The following WDR19 variants were observed in gnomAD, a reference collection of about 807,000 sequenced individuals.
WDR19 encodes WD repeat-containing protein 19.
WDR19 carries 121 observed loss-of-function variants against 180.0 expected under a neutral mutation model. The observed-to-expected ratio is 0.67, with a 90% CI of 0.58 to 0.78. The LOEUF is 0.78. Among genes scored for constraint, WDR19 ranks in the 30% least tolerant of loss-of-function variants. WDR19 has a pLI of 0.00. For synonymous variants in WDR19, 497 were observed against 540.7 expected (o/e 0.92, Z 1.12); for missense variants, 1,450 against 1,640.7 (o/e 0.88, Z 2.01).
chr4:39,222,501 C>G (rs778784668), intron 14 of WDR19, among the ~76,000 whole-genome samples: 70 of 152,032 alleles, frequency 4.6e-4, no homozygotes, highest in Non-Finnish European at 7.9e-4. Context: ...CCCAGCGTCA[C>G]AAAATTTTTT....
At chr4:39,242,928 A>G (rs180719492) in intron 21 of WDR19, among the ~76,000 whole-genome samples, 1 of 152,194 alleles carries the variant, frequency 6.6e-6, no homozygotes, top group Admixed American at 6.5e-5. Flanking sequence ...TCAGCCTCCC[A>G]AAGTGCTGGG....
chr4:39,233,308 A>G (rs898159260), intron 19 of WDR19, among the ~76,000 whole-genome samples: 7 of 152,276 alleles, frequency 4.6e-5, no homozygotes, highest in Non-Finnish European at 5.9e-5. Flanking sequence ...GGCAATATAG[A>G]CTAGCAATGA....
At chr4:39,261,365 C>T (rs907410579) in intron 28 of WDR19, among the ~76,000 whole-genome samples, 2 of 152,078 alleles carry the variant, frequency 1.3e-5, no homozygotes, top group Non-Finnish European at 2.9e-5. Flanking sequence ...CTATGATAAG[C>T]TTTCCCATCA....
chr4:39,225,711 T>C (rs559430499), intron 15 of WDR19, among the ~76,000 whole-genome samples: 273 of 152,288 alleles, frequency 1.8e-3, no homozygotes, highest in Non-Finnish European at 3.2e-3. Context: ...CTCACTGTGT[T>C]GTCTCCCCAA....
intron 29 of WDR19, among the ~76,000 whole-genome samples, chr4:39,267,728 A>G (rs930454637): frequency 6.6e-6 from 1 of 152,144 alleles, no homozygotes; most frequent in Non-Finnish European, 1.5e-5. Context: ...TATCTGTGAA[A>G]TCGGGATAAC....
intron 21 of WDR19, among the ~76,000 whole-genome samples, chr4:39,243,339 ATC>A (rs1292053313): frequency 1.3e-5 from 2 of 152,216 alleles, no homozygotes; most frequent in African/African-American, 4.8e-5. Context: ...CAGTTGTTTT[ATC>A]TCTACCAATT....
intron 9 of WDR19, among the ~76,000 whole-genome samples, chr4:39,210,840 A>G (rs892912686): frequency 6.6e-6 from 1 of 152,152 alleles, no homozygotes; most frequent in Non-Finnish European, 1.5e-5. Flanking sequence ...CCTCAATTTG[A>G]TAAAGAACAA....
chr4:39,283,602 TAC>T (rs1052170792), intron 36 of WDR19, among the ~76,000 whole-genome samples: 10 of 151,982 alleles, frequency 6.6e-5, no homozygotes, highest in African/African-American at 1.9e-4. Context: ...ATTATATATA[TAC>T]ACACACACAC....
chr4:39,250,656 A>C (rs1035382566), intron 24 of WDR19, among the ~76,000 whole-genome samples: 1 of 152,236 alleles, frequency 6.6e-6, no homozygotes, highest in African/African-American at 2.4e-5. Flanking sequence ...AACTTGAGCA[A>C]AGTCTCAGGA....
At chr4:39,253,760 C>CAA (rs1733485186) in intron 25 of WDR19, 146 bp from the exon 26 acceptor site, 1 of 566,814 alleles carries the variant, frequency 1.8e-6, no homozygotes, top group South Asian at 2.4e-5. Flanking sequence ...GCCTGGGTGA[C>CAA]AGAGTGTGAC....
chr4:39,184,287 G>C (rs1409854078), intron 1 of WDR19, among the ~76,000 whole-genome samples: 1 of 151,866 alleles, frequency 6.6e-6, no homozygotes, highest in African/African-American at 2.4e-5. Flanking sequence ...GCGTGTGCCT[G>C]TAATCCCAGC....
intron 28 of WDR19, among the ~76,000 whole-genome samples, chr4:39,259,764 A>G (rs1227099852): frequency 1.3e-5 from 2 of 152,364 alleles, no homozygotes; most frequent in Admixed American, 6.5e-5. Flanking sequence ...TTTCTAGGCC[A>G]TATGTAAACT....
chr4:39,260,096 C>T (rs1734140625), intron 28 of WDR19, among the ~76,000 whole-genome samples: 2 of 151,984 alleles, frequency 1.3e-5, no homozygotes, highest in Admixed American at 6.6e-5. Flanking sequence ...AAACACCGCC[C>T]CCACACGCAT....
rs762298152 is a variant in WDR19, at chr4:39,281,236, T to TATATAGAGAGAGAGAGAGAG, written c.*13+2574_*13+2575insTATAGAGAGAGAGAGAGAGA. 9.1e-4 allele frequency among the ~76,000 whole-genome samples: 95 copies of TATATAGAGAGAGAGAGAGAG among 103,926 alleles called. 2 individuals carry two copies. The highest frequency in any genetic ancestry group is 2.5e-3 in the East Asian group (10 of 3,970). 68.2% of individuals were successfully genotyped at this position (103,926 alleles called of 152,430 possible). A position where few individuals can be genotyped will look rare whatever the true frequency, so the allele number is the denominator to read the frequency against. ...GTGTGTATATATATATATATATATA[T>TATATAGAGAGAGAGAGAGAG]AGAGAGAGAGAGAGAGAGAGAGAGA... On this transcript the variant is annotated intron_variant, in intron 36 of 36. Transcript: ENST00000399820.
At chr4:39,251,284 G>A (rs1008234359) in intron 24 of WDR19, among the ~76,000 whole-genome samples, 25 of 152,208 alleles carry the variant, frequency 1.6e-4, no homozygotes, top group African/African-American at 5.8e-4. Flanking sequence ...AATAAATGGT[G>A]CTGGGAAAAC....
chr4:39,255,958 C>A lies in WDR19; in HGVS notation c.3112C>A (p.Arg1038=). 1 of 1,519,910 alleles carries A rather than the reference C, an allele frequency of 6.6e-7. No homozygotes were observed. Among genetic ancestry groups the A allele is most frequent in the Non-Finnish European group, 8.8e-7 (1 of 1,130,826 alleles). 94.2% of individuals were successfully genotyped at this position (1,519,910 alleles called of 1,614,324 possible). A position where few individuals can be genotyped will look rare whatever the true frequency, so the allele number is the denominator to read the frequency against. ...KFFLLCGQYS[R]ALKHFLKCPS... is the part of the protein sequence containing the mutation. ...CTTCTTGCTGTGTGGCCAATATTCACGAGTTAGTATTTGCCAAGAAAATAT... is the reference window on the plus strand; with the variant it reads ...CTTCTTGCTGTGTGGCCAATATTCAAGAGTTAGTATTTGCCAAGAAAATAT... Residue 1038 remains arginine, a splice_region_variant and synonymous_variant, in exon 27 of 37, where the codon CGA becomes AGA. Coordinates refer to ENST00000399820, the MANE Select transcript of WDR19 (RefSeq NM_025132.4).
intron 28 of WDR19, among the ~76,000 whole-genome samples, chr4:39,261,376 A>C (rs962157085): frequency 6.6e-6 from 1 of 152,144 alleles, no homozygotes; most frequent in Admixed American, 6.5e-5. Flanking sequence ...TTTCCCATCA[A>C]CTTTTCACCT....
intron 13 of WDR19, among the ~76,000 whole-genome samples, chr4:39,217,682 G>A (rs1577904965): frequency 6.6e-6 from 1 of 152,128 alleles, no homozygotes; most frequent in South Asian, 2.1e-4. Context: ...TGAAGAGGGG[G>A]CTTCTAAGTC....
intron 5 of WDR19, among the ~76,000 whole-genome samples, chr4:39,197,152 G>C (rs926196838): frequency 2.0e-5 from 3 of 152,112 alleles, no homozygotes; most frequent in Non-Finnish European, 4.4e-5. Flanking sequence ...AGGTTGGCTG[G>C]GCATGGTGGC....
Sources: gnomAD v4.1 joint callset for allele counts (sites outside exome capture counted in the v4.1 genomes callset) on GRCh38, gnomAD v4.1.1 for gene constraint, MANE v1.5 for transcripts, NCBI Gene and HGNC (gene_info 2026-07-23, HGNC 2026-07-21) for gene names.